PRUNE2: variants seen among roughly 807,000 people sequenced by gnomAD.
PRUNE2 encodes prune homolog 2 with BCH domain.
In PRUNE2, 164 loss-of-function variants were observed where a neutral mutation model predicts 252.0. The observed-to-expected ratio is 0.65, with a 90% CI of 0.57 to 0.74. The LOEUF (loss-of-function observed/expected upper bound fraction) is 0.74, where lower values mean the gene tolerates loss of function less well. PRUNE2 is among the 30% of genes least tolerant of loss of function. PRUNE2 has a pLI of 0.00. For synonymous variants in PRUNE2, 1,292 were observed against 1,350.2 expected (o/e 0.96, Z 0.94); for missense variants, 3,495 against 3,711.0 (o/e 0.94, Z 1.51).
intron 4 of PRUNE2, among the ~76,000 whole-genome samples, chr9:76,831,164 T>C (rs1002334906): frequency 6.6e-5 from 10 of 152,026 alleles, no homozygotes; most frequent in East Asian, 5.8e-4. Context: ...CTCCTGACCT[T>C]GTGATCCGCC....
intron 6 of PRUNE2, among the ~76,000 whole-genome samples, chr9:76,728,130 T>A (rs577377389): frequency 6.6e-6 from 1 of 152,310 alleles, no homozygotes; most frequent in South Asian, 2.1e-4. Context: ...GGTATAGCTA[T>A]GTTATGCCAC....
At chr9:76,896,347 G>A (rs1027883946) in intron 1 of PRUNE2, among the ~76,000 whole-genome samples, 2 of 152,176 alleles carry the variant, frequency 1.3e-5, no homozygotes, top group South Asian at 4.1e-4. Context: ...ATTGCACTTA[G>A]GGAATTTTCC....
chr9:76,706,546 T>A lies in PRUNE2; in HGVS notation c.5728A>T (p.Ile1910Phe), dbSNP rs767799309. ...TCTGGGTCTGGCTGCCTTGGTTGAATGTTCCAGAGTTGCTCATGGGAGTTC... is the reference window on the plus strand; with the variant it reads ...TCTGGGTCTGGCTGCCTTGGTTGAAAGTTCCAGAGTTGCTCATGGGAGTTC... ...GKNSHEQLWNIQPRQPDPDAD... is the reference protein window; with the variant it reads ...GKNSHEQLWNFQPRQPDPDAD... Residue 1910 changes from isoleucine to phenylalanine, a missense_variant, in exon 8 of 19, where the codon ATT becomes TTT. Ile to Phe is a conservative substitution (Grantham distance 21). Transcript: ENST00000376718. 6.2e-7 allele frequency: 1 copy of A among 1,614,012 alleles called. No individual in the cohort carries two copies. The highest frequency in any genetic ancestry group is 8.5e-7 in the Non-Finnish European group (1 of 1,179,886).
chr9:76,702,111 G>C (rs1564077636), intron 9 of PRUNE2, among the ~76,000 whole-genome samples: 1 of 151,248 alleles, frequency 6.6e-6, no homozygotes, highest in Non-Finnish European at 1.5e-5. Context: ...TCAGGCTGGA[G>C]TGCAGTCACA....
At chr9:76,674,683 C>T (rs914775123) in intron 9 of PRUNE2, among the ~76,000 whole-genome samples, 4 of 145,268 alleles carry the variant, frequency 2.8e-5, no homozygotes, top group African/African-American at 9.8e-5. Context: ...GCAACAGTAA[C>T]CAAAACAGCA....
intron 1 of PRUNE2, among the ~76,000 whole-genome samples, chr9:76,866,450 A>G (rs1031407289): frequency 1.3e-5 from 2 of 152,212 alleles, no homozygotes; most frequent in African/African-American, 4.8e-5. Context: ...ATAGTGTCTC[A>G]TTCGGTTGAC....
At chr9:76,842,319 C>A (rs1026904101) in intron 4 of PRUNE2, among the ~76,000 whole-genome samples, 7 of 152,158 alleles carry the variant, frequency 4.6e-5, no homozygotes, top group Admixed American at 4.6e-4. Flanking sequence ...CCTTTCCTTA[C>A]ACCTTACAAA....
intron 6 of PRUNE2, among the ~76,000 whole-genome samples, chr9:76,754,456 A>G (rs536648780): frequency 1.7e-4 from 26 of 152,282 alleles, no homozygotes; most frequent in Admixed American, 1.5e-3. Flanking sequence ...CCCTTTTTAT[A>G]TGGGCACGCA....
intron 6 of PRUNE2, among the ~76,000 whole-genome samples, chr9:76,773,927 G>A (rs181445303): frequency 1.3e-5 from 2 of 152,216 alleles, no homozygotes; most frequent in Non-Finnish European, 2.9e-5. Flanking sequence ...AGAGAAATGA[G>A]ACTCCTTTAT....
intron 6 of PRUNE2, among the ~76,000 whole-genome samples, chr9:76,729,098 G>A (rs1377171229): frequency 6.6e-6 from 1 of 152,046 alleles, no homozygotes; most frequent in Non-Finnish European, 1.5e-5. Context: ...TTTAAATTAC[G>A]GAGCTACAGA....
chr9:76,759,203 T>C (rs2113941), intron 6 of PRUNE2: 9,251 of 152,210 alleles, frequency 0.061, 866 homozygotes, highest in African/African-American at 0.2. Context: ...GTAATGGAAA[T>C]AGTGCATTTG....
chr9:76,644,011 AGAATCAAAATGCTGTCGAGG>A (rs1843687030), intron 12 of PRUNE2, among the ~76,000 whole-genome samples: 1 of 152,194 alleles, frequency 6.6e-6, no homozygotes, highest in African/African-American at 2.4e-5. Context: ...ACGCAGCAGA[AGAATCAAAATGCTGTCGAGG>A]TTTTCTGAAG....
Position 76,706,934 on chromosome 9 carries a change from T to C in PRUNE2, c.5340A>G (p.Thr1780=), listed in dbSNP as rs1169287542. ...SPLTETEMQI[T]AVEKEKRSSP... Reference sequence around the variant, plus strand: ...AAGATCTCTTCTCCTTCTCCACTGCTGTAATCTGCATTTCAGTCTCCGTTA... The same window carrying C: ...AAGATCTCTTCTCCTTCTCCACTGCCGTAATCTGCATTTCAGTCTCCGTTA... The change falls in exon 8 of 19, where the codon ACA becomes ACG. Residue 1780 remains threonine, a synonymous_variant. Coordinates refer to ENST00000376718, the MANE Select transcript of PRUNE2 (RefSeq NM_015225.3). 4 of 1,612,640 alleles carry C rather than the reference T, an allele frequency of 2.5e-6. No individual in the cohort carries two copies. The highest frequency in any genetic ancestry group is 8.5e-7 in the Non-Finnish European group (1 of 1,179,220).
At chr9:76,646,867 C>CTGCAAATTT (rs1229782249) in intron 11 of PRUNE2, among the ~76,000 whole-genome samples, 2 of 152,072 alleles carry the variant, frequency 1.3e-5, no homozygotes, top group Non-Finnish European at 2.9e-5. Flanking sequence ...GTTTTATTTT[C>CTGCAAATTT]TGCAAATTTT....
At chr9:76,637,866 G>A (rs1840822688) in intron 13 of PRUNE2, among the ~76,000 whole-genome samples, 1 of 152,196 alleles carries the variant, frequency 6.6e-6, no homozygotes, top group Non-Finnish European at 1.5e-5. Context: ...TATTAATGAA[G>A]TCAGGTTATA....
At chr9:76,804,040 G>T (rs1260769412) in intron 6 of PRUNE2, among the ~76,000 whole-genome samples, 2 of 151,974 alleles carry the variant, frequency 1.3e-5, no homozygotes, top group Non-Finnish European at 2.9e-5. Context: ...CAGGCCTCTT[G>T]GATGAGATCT....
intron 9 of PRUNE2, among the ~76,000 whole-genome samples, chr9:76,669,569 G>A (rs138237082): frequency 0.014 from 2,153 of 152,178 alleles, 55 homozygotes; most frequent in African/African-American, 0.048. Flanking sequence ...ATCCACCCAC[G>A]TTAGCCTCCC....
chr9:76,809,651 G>A (rs1368296228), intron 6 of PRUNE2, among the ~76,000 whole-genome samples: 4 of 152,230 alleles, frequency 2.6e-5, no homozygotes, highest in East Asian at 1.9e-4. Context: ...AGCTGAGATC[G>A]TGCCACTGCA....
At chr9:76,865,998 A>G (rs1422670466) in intron 1 of PRUNE2, among the ~76,000 whole-genome samples, 1 of 152,198 alleles carries the variant, frequency 6.6e-6, no homozygotes, top group Non-Finnish European at 1.5e-5. Context: ...TTGACTTCTG[A>G]GTTGCTACCA....
Sources: allele counts gnomAD v4.1 joint callset (sites outside exome capture counted in the v4.1 genomes callset), GRCh38; gene constraint gnomAD v4.1.1; transcripts MANE v1.5; gene names NCBI Gene and HGNC (gene_info 2026-07-23, HGNC 2026-07-21).